The following ELAPOR2 variants were observed in gnomAD, a reference collection of about 807,000 sequenced individuals.
ELAPOR2 encodes endosome/lysosome-associated apoptosis and autophagy regulator family member 2.
ELAPOR2 carries 89 observed loss-of-function variants against 120.7 expected under a neutral mutation model. The ratio of observed to expected loss-of-function variants is 0.74; its 90% confidence interval spans 0.62 to 0.88. The LOEUF (loss-of-function observed/expected upper bound fraction) is 0.88. Among genes scored for constraint, ELAPOR2 ranks in the 40% least tolerant of loss-of-function variants. The probability of loss-of-function intolerance (pLI) is 0.00; values close to 1 mark genes in which losing one functional copy is unlikely to be tolerated. For missense variants in ELAPOR2, 1,134 were observed against 1,251.6 expected, an observed-to-expected ratio of 0.91 and a Z score of 1.42; for synonymous variants, 444 against 444.9, an observed-to-expected ratio of 1.00 and a Z score of 0.03.
At chr7:86,939,570 C>T (rs1361602504) in intron 6 of ELAPOR2, among the ~76,000 whole-genome samples, 2 of 152,036 alleles carry the variant, frequency 1.3e-5, no homozygotes, top group Non-Finnish European at 2.9e-5. Context: ...CCAGAAATTA[C>T]CCGGTTGGCT....
At chr7:86,969,299 C>A (rs1008072467) in intron 1 of ELAPOR2, among the ~76,000 whole-genome samples, 1 of 152,046 alleles carries the variant, frequency 6.6e-6, no homozygotes, top group African/African-American at 2.4e-5. Context: ...TCACTGAAAT[C>A]CCCAGGGAAT....
chr7:86,920,383 T>C (rs1233736175), intron 10 of ELAPOR2, among the ~76,000 whole-genome samples: 1 of 151,960 alleles, frequency 6.6e-6, no homozygotes, highest in Non-Finnish European at 1.5e-5. Context: ...GTATAAGCAA[T>C]ATGAGAGGCA....
intron 1 of ELAPOR2, among the ~76,000 whole-genome samples, chr7:87,028,116 C>T (rs1385826147): frequency 1.3e-5 from 2 of 152,108 alleles, no homozygotes; most frequent in Non-Finnish European, 2.9e-5. Context: ...TCACTTCCCC[C>T]TTCAGTTACT....
chr7:87,029,013 T>C (rs1470701132), intron 1 of ELAPOR2, among the ~76,000 whole-genome samples: 2 of 152,228 alleles, frequency 1.3e-5, no homozygotes, highest in South Asian at 2.1e-4. Flanking sequence ...TCAGGCATTA[T>C]TCAAATGCTG....
intron 1 of ELAPOR2, among the ~76,000 whole-genome samples, chr7:87,024,323 A>T (rs1282101684): frequency 6.6e-6 from 1 of 152,150 alleles, no homozygotes; most frequent in Non-Finnish European, 1.5e-5. Context: ...TGAGATAGTC[A>T]TGTGGTTTTC....
intron 1 of ELAPOR2, among the ~76,000 whole-genome samples, chr7:87,007,812 C>T (rs961198297): frequency 6.6e-6 from 1 of 152,078 alleles, no homozygotes; most frequent in African/African-American, 2.4e-5. Context: ...CCAATTTGTG[C>T]ATCAAAATAA....
intron 12 of ELAPOR2, among the ~76,000 whole-genome samples, chr7:86,916,392 T>C (rs1789570466): frequency 6.6e-6 from 1 of 152,142 alleles, no homozygotes. Context: ...TCATTCTAGC[T>C]TAGAGTGTCA....
intron 3 of ELAPOR2, among the ~76,000 whole-genome samples, chr7:86,946,680 G>A (rs911694872): frequency 2.6e-5 from 4 of 152,090 alleles, no homozygotes; most frequent in East Asian, 1.9e-4. Flanking sequence ...AGCCACCGCC[G>A]CACTGGCCCA....
chr7:86,911,893 C>T (rs1789329778), intron 15 of ELAPOR2, 179 bp downstream of exon 15: 5 of 637,002 alleles, frequency 7.8e-6, no homozygotes, highest in African/African-American at 1.8e-5. Context: ...GACAAGGTTG[C>T]CCCTGGTGGA....
In ELAPOR2 at chr7:86,908,555, T is replaced by C; in HGVS notation, c.2360-12A>G. On this transcript the variant is annotated splice_polypyrimidine_tract_variant and intron_variant, in intron 16 of 21. Transcript: ENST00000450689. ...TTCAACTGTGACTCCTAGATGACAT[T>C]TAAAAAGAAACTATTAAGCAATATG... 7.8e-7 allele frequency: 1 copy of C among 1,283,672 alleles called. No individual in the cohort carries two copies. The highest frequency in any genetic ancestry group is 2.4e-5 in the East Asian group (1 of 41,336). 79.5% of individuals were successfully genotyped at this position (1,283,672 alleles called of 1,614,324 possible).
At chr7:86,955,390 T>A (rs1791430421) in intron 2 of ELAPOR2, among the ~76,000 whole-genome samples, 1 of 151,138 alleles carries the variant, frequency 6.6e-6, no homozygotes, top group African/African-American at 2.4e-5. Flanking sequence ...AATTGGGAAT[T>A]TTTTTTTTAT....
chr7:86,942,790 A>G (rs991654843), intron 4 of ELAPOR2, among the ~76,000 whole-genome samples: 5 of 152,054 alleles, frequency 3.3e-5, no homozygotes, highest in African/African-American at 7.2e-5. Flanking sequence ...AGAGACATCA[A>G]AAAGTTAGGC....
chr7:86,913,689 T>A (rs1470183191), intron 13 of ELAPOR2, among the ~76,000 whole-genome samples: 2 of 152,190 alleles, frequency 1.3e-5, no homozygotes, highest in East Asian at 3.9e-4. Context: ...GCTAAATCAA[T>A]GCAATCACAC....
At chr7:86,917,871 T>C (rs1416640346) in intron 12 of ELAPOR2, among the ~76,000 whole-genome samples, 1 of 152,184 alleles carries the variant, frequency 6.6e-6, no homozygotes, top group Non-Finnish European at 1.5e-5. Context: ...GTTAAACTCT[T>C]AGCCAACAAA....
intron 1 of ELAPOR2, among the ~76,000 whole-genome samples, chr7:87,034,191 G>A (rs1448540807): frequency 1.3e-5 from 2 of 152,104 alleles, no homozygotes; most frequent in African/African-American, 2.4e-5. Flanking sequence ...ATAGTCTGAT[G>A]GTGAAAAGTA....
chr7:86,969,669 AAGTGGAAC>A (rs1307131727), intron 1 of ELAPOR2, among the ~76,000 whole-genome samples: 3 of 152,212 alleles, frequency 2.0e-5, no homozygotes, highest in Non-Finnish European at 2.9e-5. Context: ...TAAGGGCTCA[AAGTGGAAC>A]AGTGACATCA....
intron 1 of ELAPOR2, among the ~76,000 whole-genome samples, chr7:87,026,035 G>C (rs1252548866): frequency 6.6e-6 from 1 of 152,064 alleles, no homozygotes; most frequent in Non-Finnish European, 1.5e-5. Flanking sequence ...ACAAAATCAA[G>C]ACCTACGCAT....
intron 1 of ELAPOR2, among the ~76,000 whole-genome samples, chr7:87,023,335 T>G (rs1794126076): frequency 6.6e-6 from 1 of 152,218 alleles, no homozygotes; most frequent in African/African-American, 2.4e-5. Context: ...CTTTCCCCAT[T>G]TCTTGTTTTT....
chr7:86,944,849 T>A, intron 4 of ELAPOR2, 50 bp downstream of exon 4: 1 of 1,444,900 alleles, frequency 6.9e-7, no homozygotes, highest in Non-Finnish European at 9.2e-7. Flanking sequence ...TAAGGGAAAT[T>A]TACATGAATG....
Sources: allele counts gnomAD v4.1 joint callset (sites outside exome capture counted in the v4.1 genomes callset), GRCh38; gene constraint gnomAD v4.1.1; transcripts MANE v1.5; gene names NCBI Gene and HGNC (gene_info 2026-07-23, HGNC 2026-07-21).